The following SP100 variants were observed in gnomAD, a reference collection of about 807,000 sequenced individuals.
SP100 encodes SP100 nuclear body protein.
A neutral mutation model predicts 130.0 loss-of-function variants in SP100; 84 were observed. The observed-to-expected ratio is 0.65, with a 90% CI of 0.54 to 0.77. The LOEUF is 0.77. Ranked by LOEUF, SP100 falls within the 30% of genes least tolerant of loss-of-function variation. The probability of loss-of-function intolerance (pLI) is 0.00; values close to 1 mark genes in which losing one functional copy is unlikely to be tolerated. For synonymous variants in SP100, 331 were observed against 351.7 expected, an observed-to-expected ratio of 0.94 and a Z score of 0.66; for missense variants, 978 against 1,052.2, an observed-to-expected ratio of 0.93 and a Z score of 0.97.
chr2:230,421,978 G>C (rs898765862), intron 2 of SP100, among the ~76,000 whole-genome samples: 3 of 151,936 alleles, frequency 2.0e-5, no homozygotes, highest in African/African-American at 4.8e-5. Flanking sequence ...ATTCCTGTTA[G>C]TTGGATGTTA....
chr2:230,452,635 GT>G (rs1263117806), intron 8 of SP100, among the ~76,000 whole-genome samples: 1 of 152,062 alleles, frequency 6.6e-6, no homozygotes, highest in Non-Finnish European at 1.5e-5. Flanking sequence ...TTTTCAGTGT[GT>G]GCATATTTCA....
In SP100 at chr2:230,466,317, A is replaced by T. The variant is rs751011422; in HGVS notation, c.1158A>T (p.Arg386Ser). The change falls in exon 12 of 29, where the codon AGA becomes AGT. Residue 386 changes from arginine to serine, a missense_variant. Arg to Ser is a moderately radical substitution (Grantham distance 110). Coordinates refer to ENST00000340126, the MANE Select transcript of SP100 (RefSeq NM_001080391.2). ...PQIVPEPMDF[R>S]KLSTFRESFK... Reference sequence around the variant, plus strand: ...ACTTTACAGAGCCCATGGATTTCAGAAAATTATCTACATTCAGAGAAAGTT... The same window carrying T: ...ACTTTACAGAGCCCATGGATTTCAGTAAATTATCTACATTCAGAGAAAGTT... The T allele has an allele frequency of 6.3e-7, 1 of 1,583,280 alleles. No individual in the cohort carries two copies. Among genetic ancestry groups the T allele is most frequent in the Middle Eastern group, 1.7e-4 (1 of 5,998 alleles).
chr2:230,421,881 AC>A (rs2062778191), intron 2 of SP100, among the ~76,000 whole-genome samples: 1 of 152,126 alleles, frequency 6.6e-6, no homozygotes, highest in East Asian at 1.9e-4. Flanking sequence ...CAAATGGACA[AC>A]TTTATTTCAA....
chr2:230,436,877 TACAC>T (rs1203039584), intron 2 of SP100, among the ~76,000 whole-genome samples: 1 of 150,616 alleles, frequency 6.6e-6, no homozygotes. Context: ...TATATGTGTA[TACAC>T]ACACATATAT....
intron 1 of SP100, chr2:230,416,617 G>A (rs146605410): frequency 9.6e-5 from 51 of 530,024 alleles, no homozygotes; most frequent in African/African-American, 8.3e-4. Context: ...GTTGTTGGTG[G>A]CTGGGATTAA....
chr2:230,515,164 A>G (rs1272566656), intron 24 of SP100: 1 of 1,613,676 alleles, frequency 6.2e-7, no homozygotes, highest in South Asian at 1.1e-5. Context: ...GTGCTCAGAG[A>G]CATGGAAGAC....
intron 24 of SP100, among the ~76,000 whole-genome samples, chr2:230,528,626 A>G (rs1239300282): frequency 6.6e-6 from 1 of 152,228 alleles, no homozygotes; most frequent in East Asian, 1.9e-4. Flanking sequence ...TCAAAAAATC[A>G]ATGAATCCAG....
At chr2:230,494,766 A>G (rs951548714) in intron 18 of SP100, among the ~76,000 whole-genome samples, 3 of 152,210 alleles carry the variant, frequency 2.0e-5, no homozygotes, top group Non-Finnish European at 4.4e-5. Flanking sequence ...GAATGAAAAA[A>G]AAATTGACAA....
intron 8 of SP100, among the ~76,000 whole-genome samples, chr2:230,452,032 A>C (rs1173653671): frequency 1.3e-5 from 2 of 152,208 alleles, no homozygotes; most frequent in Non-Finnish European, 2.9e-5. Flanking sequence ...CTTTTGATTA[A>C]CATAGCTTTG....
chr2:230,503,258 C>T, intron 20 of SP100, 148 bp downstream of exon 20: 1 of 515,780 alleles, frequency 1.9e-6, no homozygotes, highest in Non-Finnish European at 3.4e-6. Flanking sequence ...TTAAGACCCT[C>T]AATACCTGCT....
chr2:230,482,046 C>T (rs551014011), intron 17 of SP100, among the ~76,000 whole-genome samples: 1 of 151,986 alleles, frequency 6.6e-6, no homozygotes, highest in African/African-American at 2.4e-5. Context: ...CATGCTGGTG[C>T]GTTTCTTAAA....
At position 230,506,107 on chromosome 2, in the gene SP100, T is replaced by C. The variant is rs1690076342; in HGVS notation, c.1871-196T>C. ...TCATTGCATGATGGTCAAAGAAATGTACACACATGACAGAGAGAACCCTTC... is the reference window on the plus strand; with the variant it reads ...TCATTGCATGATGGTCAAAGAAATGCACACACATGACAGAGAGAACCCTTC... On this transcript the variant is annotated intron_variant, in intron 21 of 28. Transcript: ENST00000340126. 5.3e-5 allele frequency among the ~76,000 whole-genome samples: 8 copies of C among 152,200 alleles called. No individual in the cohort carries two copies. In the South Asian group the frequency reaches 1.7e-3, roughly 31 times the overall value.
chr2:230,424,668 CA>C (rs770362175), intron 2 of SP100, among the ~76,000 whole-genome samples: 1,334 of 111,674 alleles, frequency 0.012, 18 homozygotes, highest in African/African-American at 0.039. Flanking sequence ...GACTCCATCT[CA>C]AAAAAAAAAA....
At chr2:230,464,178 A>G (rs1466364981) in intron 11 of SP100, 28 bp downstream of exon 11, 1 of 1,322,266 alleles carries the variant, frequency 7.6e-7, no homozygotes. Flanking sequence ...GCAACCCGAG[A>G]CTGTAGAATA....
At chr2:230,529,245 C>T (rs1691583539) in intron 24 of SP100, among the ~76,000 whole-genome samples, 1 of 152,222 alleles carries the variant, frequency 6.6e-6, no homozygotes, top group Non-Finnish European at 1.5e-5. Flanking sequence ...AAGTCACCTT[C>T]ATCCCTGGGA....
chr2:230,506,346 C>T lies in SP100; in HGVS notation c.1914C>T (p.Phe638=). ...KCIQSEDKKW[F]TPREFEIEGD... ...TACAGAGTGAGGATAAAAAGTGGTTCACTCCCAGGGAATTTGAAATTGAAG... is the reference window on the plus strand; with the variant it reads ...TACAGAGTGAGGATAAAAAGTGGTTTACTCCCAGGGAATTTGAAATTGAAG... Residue 638 remains phenylalanine, a synonymous_variant, in exon 22 of 29, where the codon TTC becomes TTT. Coordinates refer to ENST00000340126, the MANE Select transcript of SP100 (RefSeq NM_001080391.2). 1 of 1,613,934 alleles carries T rather than the reference C, an allele frequency of 6.2e-7. No homozygotes were observed. The highest frequency in any genetic ancestry group is 2.2e-5 in the East Asian group (1 of 44,880).
chr2:230,511,536 A>G (rs1457895063), intron 24 of SP100, among the ~76,000 whole-genome samples: 1 of 152,194 alleles, frequency 6.6e-6, no homozygotes, highest in Non-Finnish European at 1.5e-5. Flanking sequence ...GGTGGTGGGA[A>G]TGGAAAGGAA....
intron 2 of SP100, among the ~76,000 whole-genome samples, chr2:230,438,686 C>CACAT (rs61634332): frequency 6.7e-5 from 10 of 148,364 alleles, no homozygotes; most frequent in African/African-American, 2.3e-4. Context: ...CACACACACA[C>CACAT]ATATGGTATA....
intron 2 of SP100, among the ~76,000 whole-genome samples, chr2:230,420,778 T>TAA (rs765147487): frequency 3.3e-5 from 5 of 152,196 alleles, no homozygotes; most frequent in Admixed American, 6.5e-5. Context: ...ATAAGACCTT[T>TAA]AAAAACACAA....
Sources: allele counts gnomAD v4.1 joint callset (sites outside exome capture counted in the v4.1 genomes callset), GRCh38; gene constraint gnomAD v4.1.1; transcripts MANE v1.5; gene names NCBI Gene and HGNC (gene_info 2026-07-23, HGNC 2026-07-21).